The following ROR1 variants were observed in gnomAD, a reference collection of about 807,000 sequenced individuals.
ROR1 encodes ROR family WNT receptor 1, also known as inactive tyrosine-protein kinase transmembrane receptor ROR1.
Under a neutral mutation model 78.8 loss-of-function variants are expected in ROR1, and 19 were observed. The ratio of observed to expected loss-of-function variants is 0.24; its 90% CI spans 0.17 to 0.35. The LOEUF (loss-of-function observed/expected upper bound fraction) is 0.35, where lower values mean the gene tolerates loss of function less well. ROR1 is among the 10% of genes least tolerant of loss of function. The pLI is 1.00. For synonymous variants in ROR1, 386 were observed against 433.6 expected, an observed-to-expected ratio of 0.89 and a Z score of 1.36; for missense variants, 917 against 1,177.8, an observed-to-expected ratio of 0.78 and a Z score of 3.24.
chr1:64,148,590 A>T (rs1262834328), intron 7 of ROR1, among the ~76,000 whole-genome samples: 3 of 152,194 alleles, frequency 2.0e-5, no homozygotes, highest in Non-Finnish European at 4.4e-5. Context: ...GCATAGGCCT[A>T]ATTAAATAGA....
intron 1 of ROR1, among the ~76,000 whole-genome samples, chr1:63,899,720 G>A (rs1301013875): frequency 6.6e-6 from 1 of 151,778 alleles, no homozygotes; most frequent in Non-Finnish European, 1.5e-5. Flanking sequence ...AGGAGAAAAG[G>A]AAATGTTCTT....
rs1356280144 is a variant in ROR1, at chr1:63,805,016, GT to G, written c.91+30509del. Among the ~76,000 whole-genome samples, 2 of 152,204 alleles carry G rather than the reference GT, an allele frequency of 1.3e-5. 1 individual carries two copies. The highest frequency in any genetic ancestry group is 2.9e-5 in the Non-Finnish European group (2 of 68,032). ...CTCTCAGTAATGCATTTAGTCCCTG[GT>G]GAGTATTTCATAGCCAGATGAACTT... is the stretch of plus-strand genomic sequence containing the variant. On this transcript the variant is annotated intron_variant, in intron 1 of 8. Transcript: ENST00000371079.
chr1:64,020,806 C>A (rs978469219), intron 2 of ROR1, among the ~76,000 whole-genome samples: 1 of 152,084 alleles, frequency 6.6e-6, no homozygotes, highest in Non-Finnish European at 1.5e-5. Flanking sequence ...CTCTGCAACC[C>A]GTTGCAGACA....
intron 3 of ROR1, among the ~76,000 whole-genome samples, chr1:64,050,318 C>T (rs914341237): frequency 1.3e-5 from 2 of 152,162 alleles, no homozygotes; most frequent in Admixed American, 1.3e-4. Flanking sequence ...GTGCATGGCC[C>T]TTTTCCTGCC....
rs933958384 is a variant in ROR1 at position 63,879,125 on chromosome 1, A to C, written c.91+104617A>C. Reference sequence around the variant, plus strand: ...TGAGCAGGAACGCAAGCTTTGAGGAAAGCTTTATTTATTTAAATAGGAGTC... The same window carrying C: ...TGAGCAGGAACGCAAGCTTTGAGGACAGCTTTATTTATTTAAATAGGAGTC... On this transcript the variant is annotated intron_variant, in intron 1 of 8. Coordinates refer to ENST00000371079, the MANE Select transcript of ROR1 (RefSeq NM_005012.4). Among the ~76,000 whole-genome samples, 4 of 152,096 alleles carry C rather than the reference A, an allele frequency of 2.6e-5. No individual in the cohort carries two copies. In the East Asian group the frequency reaches 7.7e-4, roughly 29 times the overall value.
At chr1:63,800,162 G>C (rs977114165) in intron 1 of ROR1, among the ~76,000 whole-genome samples, 1 of 152,110 alleles carries the variant, frequency 6.6e-6, no homozygotes, top group African/African-American at 2.4e-5. Flanking sequence ...GGTTACCCTG[G>C]GTCCATTTTT....
At chr1:64,146,038 T>C (rs1038554420) in intron 7 of ROR1, among the ~76,000 whole-genome samples, 2 of 152,226 alleles carry the variant, frequency 1.3e-5, no homozygotes, top group African/African-American at 4.8e-5. Context: ...TTGTTTTGTT[T>C]CTTTGTTTTT....
chr1:63,940,335 G>A (rs771886691), intron 1 of ROR1, among the ~76,000 whole-genome samples: 1 of 152,138 alleles, frequency 6.6e-6, no homozygotes, highest in Non-Finnish European at 1.5e-5. Context: ...AGAGAAACCA[G>A]CTTGAAGGTC....
intron 1 of ROR1, among the ~76,000 whole-genome samples, chr1:63,900,225 G>A (rs552040676): frequency 6.6e-6 from 1 of 152,072 alleles, no homozygotes; most frequent in Non-Finnish European, 1.5e-5. Context: ...AGGCCAAGGC[G>A]GGCAGATCAC....
chr1:64,070,745 G>A (rs113619373), intron 4 of ROR1, among the ~76,000 whole-genome samples: 2,359 of 152,256 alleles, frequency 0.015, 27 homozygotes, highest in Non-Finnish European at 0.023. Flanking sequence ...AAGGCTTCAC[G>A]GATATAGTGG....
At chr1:63,995,547 T>G (rs536805073) in intron 1 of ROR1, among the ~76,000 whole-genome samples, 1 of 152,322 alleles carries the variant, frequency 6.6e-6, no homozygotes, top group African/African-American at 2.4e-5. Flanking sequence ...TGCACAAGGA[T>G]TTTTGAAATC....
At chr1:64,007,222 G>C (rs1484674085) in intron 1 of ROR1, among the ~76,000 whole-genome samples, 6 of 152,146 alleles carry the variant, frequency 3.9e-5, no homozygotes, top group African/African-American at 1.4e-4. Flanking sequence ...CTCTACGACA[G>C]ATCCCAGGCT....
rs529293503 is a variant in ROR1 at position 63,796,059 on chromosome 1, A to T, written c.91+21551A>T. On this transcript the variant is annotated intron_variant, in intron 1 of 8. Transcript: ENST00000371079. ...CATTCTGTGCTGGAAACTGGGAGAG[A>T]GAGAGTTTAGCTCTTGTCCTGTATG... 4.9e-4 allele frequency among the ~76,000 whole-genome samples: 75 copies of T among 152,258 alleles called. No homozygotes were observed. In the South Asian group the frequency reaches 0.013, roughly 27 times the overall value.
chr1:63,795,029 G>A (rs1037942753), intron 1 of ROR1, among the ~76,000 whole-genome samples: 2 of 152,154 alleles, frequency 1.3e-5, no homozygotes, highest in African/African-American at 4.8e-5. Context: ...GCCTGTGTGT[G>A]CAGAGCCTCG....
At chr1:63,892,593 C>T (rs904625025) in intron 1 of ROR1, among the ~76,000 whole-genome samples, 1 of 152,132 alleles carries the variant, frequency 6.6e-6, no homozygotes, top group Non-Finnish European at 1.5e-5. Context: ...AGGTCACCAA[C>T]CAGTGATTAG....
At chr1:64,050,260 T>C (rs776592317) in intron 3 of ROR1, among the ~76,000 whole-genome samples, 3 of 152,182 alleles carry the variant, frequency 2.0e-5, no homozygotes, top group African/African-American at 4.8e-5. Flanking sequence ...CGTTGAGCTC[T>C]TTTCAACAAG....
chr1:63,860,788 AAAG>A (rs1159794438), intron 1 of ROR1, among the ~76,000 whole-genome samples: 3 of 151,570 alleles, frequency 2.0e-5, no homozygotes, highest in Non-Finnish European at 2.9e-5. Flanking sequence ...AAAAAAAAAA[AAAG>A]AAGAAGAAGA....
At chr1:64,129,594 A>G (rs1006948576) in intron 4 of ROR1, among the ~76,000 whole-genome samples, 5 of 152,200 alleles carry the variant, frequency 3.3e-5, no homozygotes, top group Admixed American at 1.3e-4. Flanking sequence ...CAGGCCCTTA[A>G]CAGAGGAAAA....
At chr1:64,136,355 ATTTTTT>A (rs561354647) in intron 4 of ROR1, among the ~76,000 whole-genome samples, 3 of 137,996 alleles carry the variant, frequency 2.2e-5, no homozygotes, top group Non-Finnish European at 3.2e-5. Flanking sequence ...AAAACGGTGT[ATTTTTT>A]TTTTTTTTTT....
Sources: allele counts gnomAD v4.1 joint callset (sites outside exome capture counted in the v4.1 genomes callset), GRCh38; gene constraint gnomAD v4.1.1; transcripts MANE v1.5; gene names NCBI Gene and HGNC (gene_info 2026-07-23, HGNC 2026-07-21).